Variants in SEMA5B observed in about 807,000 individuals in gnomAD.
SEMA5B encodes the protein semaphorin-5B.
Under a neutral mutation model 135.0 loss-of-function variants are expected in SEMA5B, and 66 were observed. The ratio of observed to expected loss-of-function variants is 0.49; its 90% CI spans 0.40 to 0.60. The LOEUF (loss-of-function observed/expected upper bound fraction) is 0.60, where lower values mean the gene tolerates loss of function less well. Ranked by LOEUF, SEMA5B falls within the 20% of genes least tolerant of loss-of-function variation. SEMA5B has a pLI of 0.00. For missense variants in SEMA5B, 1,501 were observed against 1,566.3 expected (o/e 0.96, Z 0.70); for synonymous variants, 690 against 639.5 (o/e 1.08, Z -1.19).
intron 1 of SEMA5B, among the ~76,000 whole-genome samples, chr3:123,018,589 AT>A (rs1410524343): frequency 1.3e-5 from 2 of 152,240 alleles, no homozygotes; most frequent in Non-Finnish European, 2.9e-5. Context: ...TCTTAGCTCC[AT>A]TTAAGATGGT....
At chr3:122,912,368 G>C in intron 18 of SEMA5B, 26 bp from the exon 19 acceptor site, 1 of 1,534,344 alleles carries the variant, frequency 6.5e-7, no homozygotes, top group Non-Finnish European at 8.8e-7. Context: ...GTGTGTGAGG[G>C]GCTGTAGGGG....
In SEMA5B at chr3:122,961,133, C is replaced by T; in HGVS notation, c.124+7G>A. On this transcript the variant is annotated splice_region_variant and intron_variant, in intron 2 of 22. Transcript: ENST00000357599. ...GCAGCCCCCCACACTCCCCTGGGCA[C>T]ACTTACCCCTGACCAGTGAGAGAAG... 2 of 1,607,346 alleles carry T rather than the reference C, an allele frequency of 1.2e-6. No homozygotes were observed. The highest frequency in any genetic ancestry group is 8.5e-7 in the Non-Finnish European group (1 of 1,176,046).
intron 1 of SEMA5B, among the ~76,000 whole-genome samples, chr3:123,002,013 G>A (rs1320812728): frequency 1.3e-5 from 2 of 152,204 alleles, no homozygotes; most frequent in African/African-American, 2.4e-5. Context: ...GTGTTTTGAA[G>A]TGAAAGAGAA....
At chr3:122,946,452 T>TG (rs1183658781) in intron 3 of SEMA5B, among the ~76,000 whole-genome samples, 3 of 151,788 alleles carry the variant, frequency 2.0e-5, no homozygotes, top group Non-Finnish European at 2.9e-5. Context: ...AGAAAGGAAG[T>TG]GTAACATCCT....
At chr3:123,022,508 C>A (rs570626272) in intron 1 of SEMA5B, among the ~76,000 whole-genome samples, 64 of 152,200 alleles carry the variant, frequency 4.2e-4, no homozygotes, top group Non-Finnish European at 7.1e-4. Context: ...CCGATGGAAT[C>A]CTTGTCCTTC....
Position 122,915,868 on chromosome 3 carries a change from G to C in SEMA5B, c.1711C>G (p.Pro571Ala). ...SQGACLGARD[P>A]YCGWDGKQQR... is the part of the protein sequence containing the mutation. ...TGCTTCCCGTCCCAGCCACAGTACG[G>C]GTCCCGGGCCCCCAGGCATGCCCTG... Residue 571 changes from proline (P) to alanine (A), a missense_variant, in exon 13 of 23, where the codon CCG becomes GCG. Transcript: ENST00000357599. 1 of 1,613,980 alleles carries C rather than the reference G, an allele frequency of 6.2e-7. No individual in the cohort carries two copies. The highest frequency in any genetic ancestry group is 1.3e-5 in the African/African-American group (1 of 74,990).
intron 1 of SEMA5B, among the ~76,000 whole-genome samples, chr3:122,999,596 C>A: frequency 6.6e-6 from 1 of 152,010 alleles, no homozygotes; most frequent in East Asian, 1.9e-4. Flanking sequence ...TGGTGACCAG[C>A]TGTAACCACA....
At chr3:123,020,015 C>T (rs1390570642) in intron 1 of SEMA5B, among the ~76,000 whole-genome samples, 1 of 152,170 alleles carries the variant, frequency 6.6e-6, no homozygotes, top group Non-Finnish European at 1.5e-5. Context: ...CTTTTTATTG[C>T]TGTAGGAAGT....
At chr3:122,966,360 G>A (rs532662090) in intron 1 of SEMA5B, among the ~76,000 whole-genome samples, 2 of 152,112 alleles carry the variant, frequency 1.3e-5, no homozygotes, top group East Asian at 3.9e-4. Context: ...GAGTTGCTCA[G>A]AGAAGAGCCC....
chr3:123,014,137 AGGATCCT>A (rs1306316396), intron 1 of SEMA5B, among the ~76,000 whole-genome samples: 1 of 152,212 alleles, frequency 6.6e-6, no homozygotes, highest in Non-Finnish European at 1.5e-5. Flanking sequence ...GAATCCTGAC[AGGATCCT>A]GGCAAGCACT....
chr3:122,986,710 C>CACACAT (rs1486014977), intron 1 of SEMA5B, among the ~76,000 whole-genome samples: 1 of 152,102 alleles, frequency 6.6e-6, no homozygotes, highest in African/African-American at 2.4e-5. Flanking sequence ...CACACACACA[C>CACACAT]ACACATACAA....
intron 1 of SEMA5B, among the ~76,000 whole-genome samples, chr3:122,968,470 A>G (rs1205086001): frequency 6.6e-6 from 1 of 152,116 alleles, no homozygotes; most frequent in East Asian, 1.9e-4. Context: ...GCGGGATAGG[A>G]TGGGGATCCA....
intron 12 of SEMA5B, among the ~76,000 whole-genome samples, chr3:122,919,493 C>A (rs367618849): frequency 2.6e-5 from 4 of 152,228 alleles, no homozygotes; most frequent in African/African-American, 9.6e-5. Context: ...GGATCCTGGG[C>A]AGAGGAGGGA....
intron 1 of SEMA5B, among the ~76,000 whole-genome samples, chr3:122,989,346 T>C (rs534121939): frequency 4.5e-4 from 68 of 152,286 alleles, no homozygotes; most frequent in African/African-American, 1.5e-3. Context: ...CCAGGCTTAG[T>C]TGTGGGGAGA....
chr3:123,021,311 T>G (rs571031773), intron 1 of SEMA5B, among the ~76,000 whole-genome samples: 1 of 152,342 alleles, frequency 6.6e-6, no homozygotes, highest in East Asian at 1.9e-4. Context: ...TTTGAGTGGA[T>G]GAGGCCTCTC....
intron 1 of SEMA5B, among the ~76,000 whole-genome samples, chr3:123,010,966 C>T (rs1247210427): frequency 6.6e-6 from 1 of 152,200 alleles, no homozygotes; most frequent in Non-Finnish European, 1.5e-5. Context: ...CACGGGCTCT[C>T]TCACTGAGGC....
chr3:122,954,792 C>CTT (rs34786092), intron 2 of SEMA5B, among the ~76,000 whole-genome samples: 318 of 129,918 alleles, frequency 2.4e-3, no homozygotes, highest in African/African-American at 7.1e-3. Context: ...GGGTGGTCAT[C>CTT]TTTTTTTTTT....
At chr3:122,960,803 C>G (rs529686955) in intron 2 of SEMA5B, among the ~76,000 whole-genome samples, 1 of 152,250 alleles carries the variant, frequency 6.6e-6, no homozygotes, top group South Asian at 2.1e-4. Flanking sequence ...TAGAATGGTG[C>G]TTGCCTGGGG....
rs1476040501 is a variant in SEMA5B, at chr3:122,921,938, C to T, written c.1665G>A (p.Arg555=). ...ACCCCTGGCTGCGGTAGGCGGCGCA[C>T]CTCTCCAGTGGGACCCGCAGGACGC... The part of the protein sequence containing the change: ...RDGVLRVPLE[R]CAAYRSQGAC... Residue 555 remains arginine (R), a synonymous_variant, in exon 12 of 23, where the codon AGG becomes AGA. Coordinates refer to ENST00000357599, the MANE Select transcript of SEMA5B (RefSeq NM_001031702.4). 5 of 1,534,868 alleles carry T rather than the reference C, an allele frequency of 3.3e-6. No homozygotes were observed. The highest frequency in any genetic ancestry group is 4.4e-6 in the Non-Finnish European group (5 of 1,145,562).
Sources: allele counts gnomAD v4.1 joint callset (sites outside exome capture counted in the v4.1 genomes callset), GRCh38; gene constraint gnomAD v4.1.1; transcripts MANE v1.5; gene names NCBI Gene and HGNC (gene_info 2026-07-23, HGNC 2026-07-21).